SSC5D: variants seen among roughly 807,000 people sequenced by gnomAD.
The protein encoded by SSC5D is soluble scavenger receptor cysteine-rich domain-containing protein SSC5D.
A neutral mutation model predicts 104.6 loss-of-function variants in SSC5D; 106 were observed. That is an observed-to-expected ratio of 1.01 (90% CI 0.87 to 1.19). The LOEUF (loss-of-function observed/expected upper bound fraction) is 1.19, where lower values mean the gene tolerates loss of function less well. Among genes scored for constraint, SSC5D ranks in the 50% most tolerant of loss-of-function variants. The probability of loss-of-function intolerance (pLI) is 0.00; values close to 1 mark genes in which losing one functional copy is unlikely to be tolerated. For missense variants in SSC5D, 1,993 were observed against 2,153.8 expected (o/e 0.93, Z 1.48); for synonymous variants, 860 against 883.5 (o/e 0.97, Z 0.47).
chr19:55,514,939 C>T (rs373207431), intron 13 of SSC5D, among the ~76,000 whole-genome samples: 8 of 152,316 alleles, frequency 5.3e-5, no homozygotes, highest in Admixed American at 4.6e-4. Flanking sequence ...GGAAGCCATG[C>T]AGCTGGGGTT....
intron 12 of SSC5D, among the ~76,000 whole-genome samples, chr19:55,510,783 G>C (rs1250715901): frequency 6.6e-6 from 1 of 151,886 alleles, no homozygotes; most frequent in Non-Finnish European, 1.5e-5. Flanking sequence ...ATGTTTGTTT[G>C]CTTGTTTGTT....
intron 3 of SSC5D, 74 bp downstream of exon 3, chr19:55,489,736 C>T (rs1987078894): frequency 6.6e-7 from 1 of 1,510,256 alleles, no homozygotes; most frequent in African/African-American, 1.4e-5. Flanking sequence ...TCCTTAGCCC[C>T]AGCAAGTCTG....
chr19:55,504,725 C>T (rs1340204390), intron 12 of SSC5D, among the ~76,000 whole-genome samples: 1 of 152,056 alleles, frequency 6.6e-6, no homozygotes, highest in African/African-American at 2.4e-5. Context: ...GGTCTCAAAG[C>T]CGACCTCGTG....
chr19:55,492,384 G>C (rs1467290063), intron 6 of SSC5D: 1 of 152,256 alleles, frequency 6.6e-6, no homozygotes, highest in East Asian at 1.9e-4. Context: ...TAGTGTACAA[G>C]CTGTGGGGGA....
intron 12 of SSC5D, among the ~76,000 whole-genome samples, chr19:55,507,824 C>T (rs1053048653): frequency 2.6e-5 from 4 of 151,852 alleles, no homozygotes; most frequent in Non-Finnish European, 5.9e-5. Flanking sequence ...TGGGTGGAAA[C>T]GGTGGCAGCG....
chr19:55,503,979 C>G lies in SSC5D; in HGVS notation c.2785+2778C>G. 2.4e-6 allele frequency: 2 copies of G among 822,124 alleles called. No homozygotes were observed. The highest frequency in any genetic ancestry group is 3.7e-6 in the Non-Finnish European group (2 of 547,100). The allele number at this position is 822,124 out of a possible 1,614,324, so 50.9% of individuals were successfully genotyped here. A position where few individuals can be genotyped will look rare whatever the true frequency, so the allele number is the denominator to read the frequency against. ...GGCGCATCGCCCGCAGTAATAATAG[C>G]TGGGCGAAGGGCAACCAGGCCCCAA... On this transcript the variant is annotated intron_variant, in intron 12 of 13. Coordinates refer to ENST00000389623, the MANE Select transcript of SSC5D (RefSeq NM_001144950.2). This position sits in a 1 kb window ranked among gnomAD's most constrained non-coding sequence, Gnocchi z 4.0.
In SSC5D at chr19:55,518,821, G is replaced by A; in HGVS notation, c.4545G>A (p.Arg1515=). Residue 1515 remains arginine, a synonymous_variant, in exon 14 of 14, where the codon CGG becomes CGA. Coordinates refer to ENST00000389623, the MANE Select transcript of SSC5D (RefSeq NM_001144950.2). ...TGACCCAGGTCGTGGAACAGGAGCG[G>A]CAGGAGCGCCAAGCCCTGCTGCTGG... is the stretch of plus-strand genomic sequence containing the variant. ...QRLTQVVEQE[R]QERQALLLGL... is the part of the protein sequence containing the mutation. The A allele has an allele frequency of 6.4e-7, 1 of 1,550,402 alleles. No homozygotes were observed. The highest frequency in any genetic ancestry group is 8.7e-7 in the Non-Finnish European group (1 of 1,146,982).
At chr19:55,517,182 G>T (rs1426087573) in intron 13 of SSC5D, 42 bp from the exon 14 acceptor site, 5 of 1,494,348 alleles carry the variant, frequency 3.3e-6, no homozygotes, top group African/African-American at 2.8e-5. Flanking sequence ...GGGCGGAGCC[G>T]GTTGACCTCA....
At position 55,500,703 on chromosome 19, in the gene SSC5D, T is replaced by C. The variant is rs534316192; in HGVS notation, c.2516T>C (p.Met839Thr). 5.8e-6 allele frequency: 9 copies of C among 1,551,536 alleles called. No individual in the cohort carries two copies. Among genetic ancestry groups the C allele is most frequent in the South Asian group, 4.8e-5 (4 of 84,012 alleles). Residue 839 changes from methionine to threonine, a missense_variant, in exon 11 of 14, where the codon ATG becomes ACG. Physicochemically the swap from Met to Thr is moderately conservative, Grantham distance 81 (BLOSUM62 -1). This residue lies in a region of SSC5D where 70 missense variants were observed against 107.1 expected (regional missense o/e 0.65). Coordinates refer to ENST00000389623, the MANE Select transcript of SSC5D (RefSeq NM_001144950.2). This position sits in a 1 kb window ranked among gnomAD's most constrained non-coding sequence, Gnocchi z 4.6. The stretch of plus-strand genomic sequence containing the variant: ...ACTGGGCCCATCTGGCTGGATGACA[T>C]GGGCTGTAAGGGAAGCGAGGCCTCA... ...PGTGPIWLDD[M>T]GCKGSEASLS...
chr19:55,493,710 C>G lies in SSC5D; in HGVS notation c.1011C>G (p.Asp337Glu). ...GTGACGACGCCTGGGACCTGCGAGA[C>G]GCCGCTGTGGCCTGCCGAGAGCTGG... ...SVCDDAWDLRDAAVACRELGC... is the reference protein window; with the variant it reads ...SVCDDAWDLREAAVACRELGC... Residue 337 changes from aspartate (D) to glutamate (E), a missense_variant, in exon 7 of 14, where the codon GAC (aspartate) becomes GAG (glutamate). Around this residue, in one of 6 missense-constraint regions of SSC5D, gnomAD observed 1,101 missense variants for 1,085.0 expected, o/e 1.01. Transcript: ENST00000389623. 6.6e-7 allele frequency: 1 copy of G among 1,513,896 alleles called. No individual in the cohort carries two copies. 93.8% of individuals were successfully genotyped at this position (1,513,896 alleles called of 1,614,324 possible). A position where few individuals can be genotyped will look rare whatever the true frequency, so the allele number is the denominator to read the frequency against.
chr19:55,508,321 C>A (rs1987683267), intron 12 of SSC5D, among the ~76,000 whole-genome samples: 1 of 152,084 alleles, frequency 6.6e-6, no homozygotes, highest in Non-Finnish European at 1.5e-5. Context: ...AGAAGAGGAT[C>A]CAGGACTAAA....
At position 55,493,965 on chromosome 19, in the gene SSC5D, G is replaced by C. The variant is rs536658849; in HGVS notation, c.1213+53G>C. On this transcript the variant is annotated intron_variant, in intron 7 of 13. Transcript: ENST00000389623. ...AGGTGGGCGTGGTGGTGCTTGGAGC[G>C]GAGGGGCAAGTTCGGCGGGGGCGGG... The C allele has an allele frequency of 6.7e-6, 4 of 595,968 alleles. No individual in the cohort carries two copies. In the East Asian group the frequency reaches 2.3e-4, roughly 35 times the overall value. The allele number at this position is 595,968 out of a possible 1,614,324, so 36.9% of individuals were successfully genotyped here.
intron 6 of SSC5D, chr19:55,492,742 C>T (rs554056262): frequency 2.0e-5 from 3 of 152,094 alleles, no homozygotes; most frequent in East Asian, 1.9e-4. Context: ...GAAATGTACC[C>T]GAAGAGCCAG....
intron 4 of SSC5D, 123 bp from the exon 5 acceptor site, chr19:55,490,175 G>A (rs375189405): frequency 1.1e-4 from 64 of 560,892 alleles, no homozygotes; most frequent in African/African-American, 8.5e-4. Flanking sequence ...GCCCCGCCCC[G>A]TCTCCTTCAT....
chr19:55,489,188 G>A, intron 2 of SSC5D, 156 bp downstream of exon 2: 4 of 994,160 alleles, frequency 4.0e-6, no homozygotes, highest in Non-Finnish European at 5.6e-6. Flanking sequence ...CCAGGTGTCT[G>A]GCCGCATCTC....
Position 55,499,850 on chromosome 19 carries a change from C to T in SSC5D, c.1740C>T (p.Phe580=), listed in dbSNP as rs981049621. The change falls in exon 10 of 14, where the codon TTC becomes TTT. Residue 580 remains phenylalanine, a synonymous_variant. Transcript: ENST00000389623. ...GCCTGGACTCCATCTCAGACCCCTT[C>T]AGCTGGAGCTGGATTCCTGGACTGG... ...PPGLDSISDP[F]SWSWIPGLGR... The T allele has an allele frequency of 8.8e-5, 137 of 1,551,528 alleles. 2 individuals carry two copies. The Admixed American group carries it at 2.6e-3, about 30-fold the overall frequency.
In SSC5D at chr19:55,490,372, CG is replaced by C; in HGVS notation, c.553del (p.Ala185ProfsTer4). ...SPRPKQAKST[R>X]APLLTTGAPR... Reference sequence around the variant, plus strand: ...CCGGCCCAAGCAGGCCAAGTCCACCCGGGCCCCTCTGCTGACGACAGGAGCC... The same window carrying C: ...CCGGCCCAAGCAGGCCAAGTCCACCCGGCCCCTCTGCTGACGACAGGAGCC... On this transcript the variant is annotated frameshift_variant, in exon 5 of 14. Coordinates refer to ENST00000389623, the MANE Select transcript of SSC5D (RefSeq NM_001144950.2). LOFTEE classifies it high-confidence loss of function. 1 of 1,518,912 alleles carries C rather than the reference CG, an allele frequency of 6.6e-7. No homozygotes were observed. The highest frequency in any genetic ancestry group is 8.9e-7 in the Non-Finnish European group (1 of 1,123,624). 94.1% of individuals were successfully genotyped at this position (1,518,912 alleles called of 1,614,324 possible).
chr19:55,488,537 T>C lies in SSC5D; in HGVS notation c.-53T>C, dbSNP rs1987017806. ...TCTCTCCCCAGCTGCCTCCTCCTCT[T>C]CTCTCCCCGCTCTCCTTCCCCTTTC... is the stretch of plus-strand genomic sequence containing the variant. On this transcript the variant is annotated 5_prime_UTR_variant, in exon 1 of 14. Transcript: ENST00000389623. The C allele has an allele frequency of 2.0e-6, 3 of 1,525,466 alleles. No homozygotes were observed. Among genetic ancestry groups the C allele is most frequent in the Non-Finnish European group, 1.8e-6 (2 of 1,125,010 alleles). 94.5% of individuals were successfully genotyped at this position (1,525,466 alleles called of 1,614,324 possible).
chr19:55,504,046 C>A (rs891680030), intron 12 of SSC5D: 129 of 1,454,450 alleles, frequency 8.9e-5, no homozygotes, highest in Admixed American at 2.6e-4. Flanking sequence ...AGGAAGCAGG[C>A]CCTAGAGGCG....
Sources: allele counts gnomAD v4.1 joint callset (sites outside exome capture counted in the v4.1 genomes callset), GRCh38; gene constraint gnomAD v4.1.1; regional missense constraint gnomAD v4.1.1; non-coding constraint Gnocchi (gnomAD v3.1); transcripts MANE v1.5; gene names NCBI Gene and HGNC (gene_info 2026-07-23, HGNC 2026-07-21).